Variants in DTWD2 observed in about 807,000 individuals in gnomAD.
DTWD2 encodes the protein tRNA-uridine aminocarboxypropyltransferase 2.
In DTWD2, 39 loss-of-function variants were observed where a neutral mutation model predicts 31.8. That is an observed-to-expected ratio of 1.22 (90% CI 0.95 to 1.60). The LOEUF (loss-of-function observed/expected upper bound fraction) is 1.60, where lower values mean the gene tolerates loss of function less well. Among genes scored for constraint, DTWD2 ranks in the 40% most tolerant of loss-of-function variants. The pLI, the probability that DTWD2 is intolerant of heterozygous loss-of-function variation, is 0.00. For missense variants in DTWD2, 515 were observed against 381.5 expected, an observed-to-expected ratio of 1.35 and a Z score of -2.92; for synonymous variants, 180 against 142.8, an observed-to-expected ratio of 1.26 and a Z score of -1.86.
intron 1 of DTWD2, among the ~76,000 whole-genome samples, chr5:118,948,953 A>T (rs1196867046): frequency 3.3e-5 from 5 of 152,206 alleles, no homozygotes; most frequent in Non-Finnish European, 1.5e-5. Context: ...GTTGCTTTGT[A>T]GAAGGGGTTA....
intron 1 of DTWD2, among the ~76,000 whole-genome samples, chr5:118,963,696 GCA>G (rs1754760045): frequency 6.6e-6 from 1 of 152,118 alleles, no homozygotes; most frequent in Admixed American, 6.5e-5. Context: ...CCGAGTGATG[GCA>G]CAGAGAGAAG....
chr5:118,985,934 T>C (rs1237369561), intron 1 of DTWD2, among the ~76,000 whole-genome samples: 4 of 152,296 alleles, frequency 2.6e-5, no homozygotes, highest in Middle Eastern at 3.4e-3. Flanking sequence ...CCCATTTAAA[T>C]AGATATGCCA....
intron 4 of DTWD2, among the ~76,000 whole-genome samples, chr5:118,862,630 T>G (rs149758047): frequency 7.5e-4 from 115 of 152,342 alleles, no homozygotes; most frequent in African/African-American, 2.6e-3. Flanking sequence ...TACCAATTTA[T>G]ACCATAGTAC....
intron 3 of DTWD2, among the ~76,000 whole-genome samples, chr5:118,938,241 G>C (rs1446956778): frequency 6.6e-6 from 1 of 152,118 alleles, no homozygotes; most frequent in Non-Finnish European, 1.5e-5. Flanking sequence ...GTATCAGAAA[G>C]GAAGAAATAT....
chr5:118,909,895 C>A (rs1580800639), intron 4 of DTWD2, among the ~76,000 whole-genome samples: 1 of 152,186 alleles, frequency 6.6e-6, no homozygotes, highest in Non-Finnish European at 1.5e-5. Context: ...ACACAATATG[C>A]CCTCCAGTCA....
At chr5:118,887,639 G>T (rs1487347716) in intron 4 of DTWD2, among the ~76,000 whole-genome samples, 28 of 152,088 alleles carry the variant, frequency 1.8e-4, no homozygotes, top group Admixed American at 1.8e-3. Flanking sequence ...TTTTGTTTAA[G>T]ACAGGGACTC....
rs1755403219 is a variant in DTWD2 at position 118,985,490 on chromosome 5, T to TATATATATATATA, written c.218+2803_218+2804insTATATATATATAT. 5.1e-4 allele frequency among the ~76,000 whole-genome samples: 49 copies of TATATATATATATA among 95,424 alleles called. 1 individual carries two copies. Among genetic ancestry groups the TATATATATATATA allele is most frequent in the East Asian group, 2.2e-3 (6 of 2,738 alleles). The allele number at this position is 95,424 out of a possible 152,430, so 62.6% of individuals were successfully genotyped here. A position where few individuals can be genotyped will look rare whatever the true frequency, so the allele number is the denominator to read the frequency against. ...AAAGACCACATGCTTATGTGCATTT[T>TATATATATATATA]TATATATATATATATATATATATAT... On this transcript the variant is annotated intron_variant, in intron 1 of 5. Transcript: ENST00000510708.
Position 118,840,912 on chromosome 5 carries a change from CTG to C in DTWD2, c.*3_*4del, listed in dbSNP as rs1751696712. 2.5e-6 allele frequency: 4 copies of C among 1,610,740 alleles called. No individual in the cohort carries two copies. The highest frequency in any genetic ancestry group is 3.4e-6 in the Non-Finnish European group (4 of 1,178,308). On this transcript the variant is annotated 3_prime_UTR_variant, in exon 6 of 6. Transcript: ENST00000510708. ...AGTTAAGCTAGCACCAAAAGAATAACTGTACTAAATTTTAACACTATTCATTA... is the reference window on the plus strand; with the variant it reads ...AGTTAAGCTAGCACCAAAAGAATAACTACTAAATTTTAACACTATTCATTA...
intron 3 of DTWD2, among the ~76,000 whole-genome samples, chr5:118,930,499 CA>C (rs947430860): frequency 2.0e-5 from 3 of 151,884 alleles, no homozygotes; most frequent in African/African-American, 7.3e-5. Context: ...TTAGATTCGT[CA>C]GAGAATTGAG....
chr5:118,952,196 C>T (rs112221521), intron 1 of DTWD2, among the ~76,000 whole-genome samples: 3 of 152,104 alleles, frequency 2.0e-5, no homozygotes, highest in Non-Finnish European at 4.4e-5. Flanking sequence ...ATCTTTCTCA[C>T]GGAGCAAAGA....
intron 5 of DTWD2, among the ~76,000 whole-genome samples, chr5:118,845,565 C>G (rs959048215): frequency 1.3e-5 from 2 of 152,184 alleles, no homozygotes; most frequent in African/African-American, 4.8e-5. Flanking sequence ...ACCATGTTAT[C>G]AGTACCTCCC....
At chr5:118,915,577 T>C (rs527974712) in intron 4 of DTWD2, among the ~76,000 whole-genome samples, 1 of 152,120 alleles carries the variant, frequency 6.6e-6, no homozygotes, top group African/African-American at 2.4e-5. Context: ...GGTTTCACCA[T>C]GTTAGCCAGG....
intron 4 of DTWD2, among the ~76,000 whole-genome samples, chr5:118,861,511 A>G (rs1223973134): frequency 1.3e-5 from 2 of 152,228 alleles, no homozygotes; most frequent in East Asian, 3.8e-4. Flanking sequence ...GCTGCCCTAT[A>G]AGATCCTCAA....
chr5:118,929,580 C>G (rs1312394551), intron 3 of DTWD2, among the ~76,000 whole-genome samples: 1 of 151,800 alleles, frequency 6.6e-6, no homozygotes, highest in Non-Finnish European at 1.5e-5. Context: ...CTGCCCGATT[C>G]ACAAATTGTT....
At chr5:118,906,339 A>G (rs2149568349) in intron 4 of DTWD2, among the ~76,000 whole-genome samples, 1 of 152,308 alleles carries the variant, frequency 6.6e-6, no homozygotes, top group South Asian at 2.1e-4. Flanking sequence ...GCCATTCTAC[A>G]CCTGGGTAGT....
chr5:118,844,958 A>C (rs1316784034), intron 5 of DTWD2, among the ~76,000 whole-genome samples: 1 of 150,568 alleles, frequency 6.6e-6, no homozygotes, highest in Non-Finnish European at 1.5e-5. Flanking sequence ...GCAACTTGAG[A>C]CTCCCCCCGC....
At chr5:118,937,884 CATT>C (rs1267530171) in intron 3 of DTWD2, among the ~76,000 whole-genome samples, 2 of 152,128 alleles carry the variant, frequency 1.3e-5, no homozygotes, top group Non-Finnish European at 2.9e-5. Context: ...TTCACTTCCT[CATT>C]ATGTCTCTCC....
intron 1 of DTWD2, among the ~76,000 whole-genome samples, chr5:118,987,772 T>C (rs960434713): frequency 6.6e-6 from 1 of 152,206 alleles, no homozygotes; most frequent in African/African-American, 2.4e-5. Context: ...GGGATATAGA[T>C]GATAATTTAC....
chr5:118,975,883 G>C (rs1268502438), intron 1 of DTWD2, among the ~76,000 whole-genome samples: 1 of 152,156 alleles, frequency 6.6e-6, no homozygotes, highest in Non-Finnish European at 1.5e-5. Context: ...CAAATCAACA[G>C]AATATACATT....
Sources: gnomAD v4.1 joint callset for allele counts (sites outside exome capture counted in the v4.1 genomes callset) on GRCh38, gnomAD v4.1.1 for gene constraint, MANE v1.5 for transcripts, NCBI Gene and HGNC (gene_info 2026-07-23, HGNC 2026-07-21) for gene names.